The following PRRC2C variants were observed in gnomAD, a reference collection of about 807,000 sequenced individuals.
PRRC2C encodes protein PRRC2C.
PRRC2C carries 72 observed loss-of-function variants against 317.2 expected under a neutral mutation model. The ratio of observed to expected loss-of-function variants is 0.23; its 90% CI spans 0.19 to 0.28. The LOEUF is 0.28. Among genes scored for constraint, PRRC2C ranks in the 10% least tolerant of loss-of-function variants. The pLI is 1.00. For missense variants in PRRC2C, 3,074 were observed against 3,459.7 expected (o/e 0.89, Z 2.80); for synonymous variants, 1,296 against 1,205.9 (o/e 1.07, Z -1.55).
intron 10 of PRRC2C, among the ~76,000 whole-genome samples, chr1:171,526,766 CTT>C (rs1017712416): frequency 4.3e-5 from 6 of 138,440 alleles, no homozygotes; most frequent in African/African-American, 1.6e-4. Context: ...GTTTAGCAAT[CTT>C]ATGGTATTGA....
At chr1:171,588,604 C>A in intron 33 of PRRC2C, 99 bp downstream of exon 33, 3 of 1,281,968 alleles carry the variant, frequency 2.3e-6, no homozygotes, top group Non-Finnish European at 3.2e-6. Flanking sequence ...TTAAGAAGTA[C>A]AGTTTTTAAT....
chr1:171,552,199 T>C (rs546125363), intron 18 of PRRC2C, among the ~76,000 whole-genome samples: 13 of 152,348 alleles, frequency 8.5e-5, no homozygotes, highest in Admixed American at 5.9e-4. Context: ...GTTGGATTCC[T>C]AGGTATTTTA....
intron 28 of PRRC2C, among the ~76,000 whole-genome samples, chr1:171,582,497 A>G (rs1264267115): frequency 6.6e-6 from 1 of 152,198 alleles, no homozygotes; most frequent in Non-Finnish European, 1.5e-5. Flanking sequence ...GAGTGTACCT[A>G]CAGGAACCTA....
At chr1:171,513,861 T>A (rs1671826801) in intron 3 of PRRC2C, among the ~76,000 whole-genome samples, 1 of 152,232 alleles carries the variant, frequency 6.6e-6, no homozygotes. Context: ...ATGTATCAAA[T>A]ACGTAAATGC....
rs1490843474 is a variant in PRRC2C at position 171,558,126 on chromosome 1, A to ATGATAT, written c.6015_6020dup (p.Asp2006_Ile2007dup). ...AAGGTGGCCCCACCAGCTGTGCTGAATGATATCTCTAAGAAATGTAAGTTG... is the reference window on the plus strand; with the variant it reads ...AAGGTGGCCCCACCAGCTGTGCTGAATGATATTGATATCTCTAAGAAATGTAAGTTG... On this transcript the variant is annotated inframe_insertion, in exon 19 of 35. Transcript: ENST00000647382. 3 of 1,611,498 alleles carry ATGATAT rather than the reference A, an allele frequency of 1.9e-6. No individual in the cohort carries two copies. The highest frequency in any genetic ancestry group is 2.5e-6 in the Non-Finnish European group (3 of 1,178,098).
rs557684426 is a variant in PRRC2C at position 171,540,011 on chromosome 1, T to C, written c.2545T>C (p.Tyr849His). ...ALDQEQITAA[Y>H]SVEHNQLEAH... is the part of the protein sequence containing the mutation. ...GGACCAGGAACAGATTACTGCTGCTTATTCTGTAGAACATAATCAATTAGA... is the reference window on the plus strand; with the variant it reads ...GGACCAGGAACAGATTACTGCTGCTCATTCTGTAGAACATAATCAATTAGA... The change falls in exon 16 of 35, where the codon TAT becomes CAT. Residue 849 changes from tyrosine to histidine, a missense_variant. This residue lies in a region of PRRC2C where 1,320 missense variants were observed against 1,395.7 expected (regional missense o/e 0.95). Transcript: ENST00000647382. 9 of 1,613,802 alleles carry C rather than the reference T, an allele frequency of 5.6e-6. No individual in the cohort carries two copies. Among genetic ancestry groups the C allele is most frequent in the Middle Eastern group, 1.6e-4 (1 of 6,062 alleles).
chr1:171,501,051 A>C (rs1488691510), intron 1 of PRRC2C, among the ~76,000 whole-genome samples: 1 of 152,078 alleles, frequency 6.6e-6, no homozygotes, highest in African/African-American at 2.4e-5. Context: ...GGCGTGTGCC[A>C]CCATACCCAG....
chr1:171,492,526 GTGTC>G (rs1200939710), intron 1 of PRRC2C, among the ~76,000 whole-genome samples: 2 of 152,022 alleles, frequency 1.3e-5, no homozygotes, highest in Admixed American at 6.6e-5. Flanking sequence ...TATGGACTGA[GTGTC>G]TGCACTAAAT....
intron 34 of PRRC2C, chr1:171,591,089 C>A: frequency 1.3e-6 from 1 of 754,058 alleles, no homozygotes; most frequent in Non-Finnish European, 1.6e-6. Context: ...GTGGTAGGAG[C>A]TATCAGAACT....
chr1:171,536,942 T>A (rs1676948183), intron 14 of PRRC2C, among the ~76,000 whole-genome samples: 1 of 152,232 alleles, frequency 6.6e-6, no homozygotes, highest in South Asian at 2.1e-4. Context: ...TGTATTGACA[T>A]CCAGAGTCAC....
Position 171,541,608 on chromosome 1 carries a change from A to C in PRRC2C, c.4142A>C (p.Gln1381Pro). 6.2e-7 allele frequency: 1 copy of C among 1,613,820 alleles called. No individual in the cohort carries two copies. Among genetic ancestry groups the C allele is most frequent in the Non-Finnish European group, 8.5e-7 (1 of 1,179,872 alleles). ...CGGGACAATCAGTGGAACCCAAGGCAGTCAGAAGTTCCTAAACCAGAAGAT... is the reference window on the plus strand; with the variant it reads ...CGGGACAATCAGTGGAACCCAAGGCCGTCAGAAGTTCCTAAACCAGAAGAT... ...AYRDNQWNPR[Q>P]SEVPKPEDGE... The change falls in exon 16 of 35, where the codon CAG becomes CCG. Residue 1381 changes from glutamine to proline, a missense_variant. Physicochemically the swap from Gln to Pro is moderately conservative, Grantham distance 76. This residue lies in a region of PRRC2C where 1,320 missense variants were observed against 1,395.7 expected (regional missense o/e 0.95). Coordinates refer to ENST00000647382, the MANE Select transcript of PRRC2C (RefSeq NM_001387844.1). The surrounding 1 kb of genome is among the most constrained non-coding windows in gnomAD (Gnocchi z 4.1).
intron 1 of PRRC2C, among the ~76,000 whole-genome samples, chr1:171,508,621 C>T (rs1670705283): frequency 6.6e-6 from 1 of 152,102 alleles, no homozygotes; most frequent in Non-Finnish European, 1.5e-5. Flanking sequence ...TGTTCTATAA[C>T]CCTGTGGTTA....
rs748239138 is a variant in PRRC2C at position 171,566,860 on chromosome 1, G to A, written c.6558+17G>A. ...AATGCAAAGGTAAGCCACATGTAGG[G>A]ATTACCAGTTCAACAGATGCAAGCC... On this transcript the variant is annotated intron_variant, in intron 22 of 34. Coordinates refer to ENST00000647382, the MANE Select transcript of PRRC2C (RefSeq NM_001387844.1). 1 of 1,591,358 alleles carries A rather than the reference G, an allele frequency of 6.3e-7. No individual in the cohort carries two copies. Among genetic ancestry groups the A allele is most frequent in the Non-Finnish European group, 8.5e-7 (1 of 1,170,842 alleles).
At position 171,515,777 on chromosome 1, in the gene PRRC2C, G is replaced by A; in HGVS notation, c.444G>A (p.Leu148=). 6 of 1,611,070 alleles carry A rather than the reference G, an allele frequency of 3.7e-6. No individual in the cohort carries two copies. Among genetic ancestry groups the A allele is most frequent in the Non-Finnish European group, 5.1e-6 (6 of 1,178,054 alleles). ...AGTTTCAGCAAGAATTTCCCAGCCT[G>A]CAGGCAGCTGGGGATCAGGAAAAAA... ...NSQFQQEFPS[L]QAAGDQEKKE... Residue 148 remains leucine, a synonymous_variant, in exon 5 of 35, where the codon CTG becomes CTA. Coordinates refer to ENST00000647382, the MANE Select transcript of PRRC2C (RefSeq NM_001387844.1).
At chr1:171,559,504 A>AGT (rs1682147473) in intron 19 of PRRC2C, among the ~76,000 whole-genome samples, 1 of 21,586 alleles carries the variant, frequency 4.6e-5, no homozygotes, top group Admixed American at 5.3e-4. Context: ...TGGCATACCA[A>AGT]GTTTGTTTTT....
At chr1:171,522,039 C>T in intron 6 of PRRC2C, 138 bp from the exon 7 acceptor site, 1 of 375,950 alleles carries the variant, frequency 2.7e-6, no homozygotes, top group Admixed American at 4.2e-5. Context: ...AGATAACAGT[C>T]ATTAATAGTT....
In PRRC2C at chr1:171,515,551, T is replaced by G. The variant is rs184034077; in HGVS notation, c.401-183T>G. On this transcript the variant is annotated intron_variant, in intron 4 of 34. Coordinates refer to ENST00000647382, the MANE Select transcript of PRRC2C (RefSeq NM_001387844.1). ...ACTGTCTTAGACTTTCATCTCCTCA[T>G]GGCTGATCATTAGCTTTTCAAAGGA... Among the ~76,000 whole-genome samples the G allele has an allele frequency of 2.2e-3, 332 of 152,334 alleles. No homozygotes were observed. Among genetic ancestry groups the G allele is most frequent in the African/African-American group, 7.7e-3 (321 of 41,566 alleles).
chr1:171,559,102 G>A (rs970113443), intron 19 of PRRC2C, among the ~76,000 whole-genome samples: 1 of 152,216 alleles, frequency 6.6e-6, no homozygotes, highest in Non-Finnish European at 1.5e-5. Flanking sequence ...GAACCTAGCA[G>A]TGGTTGGTTC....
intron 15 of PRRC2C, among the ~76,000 whole-genome samples, 152 bp from the exon 16 acceptor site, chr1:171,539,819 A>G (rs1462459777): frequency 6.6e-6 from 1 of 152,232 alleles, no homozygotes; most frequent in East Asian, 1.9e-4. Flanking sequence ...TATTGTGAGT[A>G]ATTCTCCTCT....
Sources: gnomAD v4.1 joint callset for allele counts (sites outside exome capture counted in the v4.1 genomes callset) on GRCh38, gnomAD v4.1.1 for gene constraint, gnomAD v4.1.1 regional missense constraint, Gnocchi (gnomAD v3.1) non-coding constraint, MANE v1.5 for transcripts, NCBI Gene and HGNC (gene_info 2026-07-23, HGNC 2026-07-21) for gene names.